Variants in CLYBL observed in about 807,000 individuals in gnomAD.
CLYBL encodes citramalyl-CoA lyase, mitochondrial.
CLYBL carries 31 observed loss-of-function variants against 38.9 expected under a neutral mutation model. The ratio of observed to expected loss-of-function variants is 0.80; its 90% CI spans 0.60 to 1.08. The LOEUF is 1.08. CLYBL is among the 50% of genes least tolerant of loss of function. The probability of loss-of-function intolerance (pLI) is 0.00; values close to 1 mark genes in which losing one functional copy is unlikely to be tolerated. For missense variants in CLYBL, 434 were observed against 411.6 expected, an observed-to-expected ratio of 1.05 and a Z score of -0.47; for synonymous variants, 171 against 158.6, an observed-to-expected ratio of 1.08 and a Z score of -0.59.
At chr13:99,685,070 G>A (rs1004524424) in intron 1 of CLYBL, among the ~76,000 whole-genome samples, 5 of 152,296 alleles carry the variant, frequency 3.3e-5, no homozygotes, top group African/African-American at 9.6e-5. Flanking sequence ...TCAAAGTGGT[G>A]CATGGAGTTT....
chr13:99,646,999 G>T (rs1036990482), intron 1 of CLYBL, among the ~76,000 whole-genome samples: 1 of 152,148 alleles, frequency 6.6e-6, no homozygotes, highest in Non-Finnish European at 1.5e-5. Flanking sequence ...AGAGGCTGCT[G>T]CTGGGCCCTC....
intron 7 of CLYBL, among the ~76,000 whole-genome samples, chr13:99,886,537 A>G (rs1316132325): frequency 3.3e-5 from 5 of 152,272 alleles, no homozygotes; most frequent in African/African-American, 4.8e-5. Flanking sequence ...GTCTGAAATC[A>G]TAGACATATG....
chr13:99,661,825 A>G (rs554920908), intron 1 of CLYBL, among the ~76,000 whole-genome samples: 2 of 152,206 alleles, frequency 1.3e-5, no homozygotes, highest in Non-Finnish European at 2.9e-5. Context: ...ATGTGTTAAC[A>G]GTCTTATTAA....
chr13:99,612,759 C>A (rs1594082489), intron 1 of CLYBL, among the ~76,000 whole-genome samples: 1 of 152,122 alleles, frequency 6.6e-6, no homozygotes, highest in South Asian at 2.1e-4. Flanking sequence ...TGTCTATAAT[C>A]CCAGCACTTT....
intron 1 of CLYBL, among the ~76,000 whole-genome samples, chr13:99,684,034 A>AGTTTTTT (rs2047779741): frequency 4.0e-5 from 1 of 25,088 alleles, no homozygotes; most frequent in African/African-American, 1.3e-4. Flanking sequence ...ATGCCTGGCT[A>AGTTTTTT]ATTTTTTTTT....
chr13:99,767,550 C>T (rs1001208573), intron 1 of CLYBL, among the ~76,000 whole-genome samples: 6 of 152,172 alleles, frequency 3.9e-5, no homozygotes, highest in Non-Finnish European at 7.3e-5. Context: ...CTACCCTTTT[C>T]TCTCTCCTTA....
At chr13:99,902,516 T>A (rs1161197537) in intron 8 of CLYBL, among the ~76,000 whole-genome samples, 2 of 152,224 alleles carry the variant, frequency 1.3e-5, no homozygotes, top group Admixed American at 6.5e-5. Context: ...CTGGCCTTTT[T>A]TCTCTTCCTT....
At chr13:99,712,211 T>C (rs897297971) in intron 1 of CLYBL, among the ~76,000 whole-genome samples, 1 of 152,196 alleles carries the variant, frequency 6.6e-6, no homozygotes, top group Non-Finnish European at 1.5e-5. Context: ...ATTATACCCC[T>C]GATACACACT....
rs148597921 is a variant in CLYBL, at chr13:99,861,515, A to C, written c.439-1476A>C. On this transcript the variant is annotated intron_variant, in intron 3 of 8. Transcript: ENST00000339105. ...GCTACCACTTTCTAGCATAAATGAG[A>C]AATAAATTATATTTTATTTTCATCT... 4.4e-3 allele frequency among the ~76,000 whole-genome samples: 665 copies of C among 152,308 alleles called. 1 individual carries two copies. Among genetic ancestry groups the C allele is most frequent in the African/African-American group, 0.015 (630 of 41,554 alleles).
At chr13:99,638,517 G>A (rs1442471938) in intron 1 of CLYBL, among the ~76,000 whole-genome samples, 3 of 152,128 alleles carry the variant, frequency 2.0e-5, no homozygotes, top group Non-Finnish European at 1.5e-5. Flanking sequence ...CTAGACATGC[G>A]GGATTTCGCA....
At chr13:99,649,965 T>A (rs2047227467) in intron 1 of CLYBL, among the ~76,000 whole-genome samples, 2 of 151,946 alleles carry the variant, frequency 1.3e-5, no homozygotes, top group South Asian at 2.1e-4. Flanking sequence ...AAAAATTTTT[T>A]AAAAATCAGA....
intron 1 of CLYBL, among the ~76,000 whole-genome samples, chr13:99,607,763 A>G (rs2046551168): frequency 6.6e-6 from 1 of 152,050 alleles, no homozygotes; most frequent in Non-Finnish European, 1.5e-5. Context: ...TTATTTTTTG[A>G]GACAGAGTCT....
At chr13:99,765,012 A>G (rs745622219) in intron 1 of CLYBL, among the ~76,000 whole-genome samples, 4 of 151,970 alleles carry the variant, frequency 2.6e-5, no homozygotes, top group Non-Finnish European at 5.9e-5. Flanking sequence ...TTAATTTACC[A>G]ATGGGTTTTA....
intron 2 of CLYBL, among the ~76,000 whole-genome samples, chr13:99,774,510 G>A (rs1456353088): frequency 1.3e-5 from 2 of 152,168 alleles, no homozygotes; most frequent in South Asian, 2.1e-4. Context: ...GGAATGGGTC[G>A]TGGGGCGGGG....
At chr13:99,904,044 T>A (rs1392898556) in intron 8 of CLYBL, among the ~76,000 whole-genome samples, 5 of 133,672 alleles carry the variant, frequency 3.7e-5, no homozygotes, top group African/African-American at 1.5e-4. Flanking sequence ...GACCCCTCTC[T>A]TAAAAAAAAA....
At chr13:99,900,555 T>C (rs573520378), downstream of CLYBL, among the ~76,000 whole-genome samples, 2 of 152,092 alleles carry the variant, frequency 1.3e-5, no homozygotes, top group East Asian at 3.9e-4. Context: ...ATAGAAAAAA[T>C]GCAATGCTAG....
intron 1 of CLYBL, among the ~76,000 whole-genome samples, chr13:99,716,135 T>G (rs1386753974): frequency 6.7e-6 from 1 of 150,308 alleles, no homozygotes; most frequent in Admixed American, 6.7e-5. Flanking sequence ...TAAAGTGTTT[T>G]GTAATGTTAA....
intron 1 of CLYBL, among the ~76,000 whole-genome samples, chr13:99,771,361 C>T (rs1052742130): frequency 1.3e-5 from 2 of 152,106 alleles, no homozygotes; most frequent in Non-Finnish European, 2.9e-5. Context: ...GCCTAATTGG[C>T]AGTCTTCATG....
At chr13:99,636,326 G>T (rs948847685) in intron 1 of CLYBL, among the ~76,000 whole-genome samples, 3 of 152,184 alleles carry the variant, frequency 2.0e-5, no homozygotes, top group Admixed American at 6.5e-5. Flanking sequence ...GTTTACCAAG[G>T]TCTTAAAGTC....
Sources: gnomAD v4.1 joint callset for allele counts (sites outside exome capture counted in the v4.1 genomes callset) on GRCh38, gnomAD v4.1.1 for gene constraint, MANE v1.5 for transcripts, NCBI Gene and HGNC (gene_info 2026-07-23, HGNC 2026-07-21) for gene names.